Variants in ZNF385B observed in about 807,000 individuals in gnomAD.
The protein encoded by ZNF385B is zinc finger protein 385B, also known as zinc finger protein 533.
In ZNF385B, 23 loss-of-function variants were observed where a neutral mutation model predicts 39.2. That is an observed-to-expected ratio of 0.59 (90% CI 0.42 to 0.83). The LOEUF is 0.83. Among genes scored for constraint, ZNF385B ranks in the 40% least tolerant of loss-of-function variants. ZNF385B has a pLI of 0.00. For synonymous variants in ZNF385B, 205 were observed against 222.6 expected (o/e 0.92, Z 0.70); for missense variants, 552 against 598.9 (o/e 0.92, Z 0.82).
At chr2:179,496,100 T>C (rs2056173423) in intron 5 of ZNF385B, among the ~76,000 whole-genome samples, 1 of 152,064 alleles carries the variant, frequency 6.6e-6, no homozygotes, top group African/African-American at 2.4e-5. Context: ...GAGAAGGAAT[T>C]CAGAATTATA....
At chr2:179,688,519 A>AC (rs1553508705) in intron 3 of ZNF385B, among the ~76,000 whole-genome samples, 3 of 150,652 alleles carry the variant, frequency 2.0e-5, no homozygotes, top group Admixed American at 6.6e-5. Flanking sequence ...AACAACAACA[A>AC]AAACAGAAAG....
chr2:179,663,946 G>A (rs1694826067), intron 3 of ZNF385B, among the ~76,000 whole-genome samples: 1 of 151,976 alleles, frequency 6.6e-6, no homozygotes, highest in South Asian at 2.1e-4. Flanking sequence ...CTTCCTCCTT[G>A]TAAAATCCAG....
chr2:179,716,902 T>G (rs1478434676), intron 3 of ZNF385B, among the ~76,000 whole-genome samples: 4 of 152,228 alleles, frequency 2.6e-5, no homozygotes, highest in Non-Finnish European at 4.4e-5. Context: ...CCAGCTTGTT[T>G]CCAGCTGTTC....
intron 1 of ZNF385B, among the ~76,000 whole-genome samples, chr2:179,821,764 T>A (rs1559225628): frequency 6.6e-6 from 1 of 152,066 alleles, no homozygotes; most frequent in Non-Finnish European, 1.5e-5. Flanking sequence ...AGAATATGAT[T>A]AATGATATAT....
intron 6 of ZNF385B, among the ~76,000 whole-genome samples, chr2:179,471,196 T>C (rs778823874): frequency 9.2e-5 from 14 of 152,136 alleles, no homozygotes; most frequent in Non-Finnish European, 2.1e-4. Context: ...AGATATGACG[T>C]TGCATTGCAA....
chr2:179,797,248 AT>A (rs1705725422), intron 1 of ZNF385B, among the ~76,000 whole-genome samples: 1 of 152,192 alleles, frequency 6.6e-6, no homozygotes, highest in East Asian at 1.9e-4. Flanking sequence ...ATTTTGACAA[AT>A]TAACATCTTG....
chr2:179,846,666 A>G (rs1708815732), intron 1 of ZNF385B, among the ~76,000 whole-genome samples: 1 of 152,228 alleles, frequency 6.6e-6, no homozygotes, highest in African/African-American at 2.4e-5. Context: ...TTTAGTGGAG[A>G]CAACAGTATC....
intron 3 of ZNF385B, among the ~76,000 whole-genome samples, chr2:179,560,522 A>C (rs1357965761): frequency 6.6e-6 from 1 of 152,210 alleles, no homozygotes; most frequent in Non-Finnish European, 1.5e-5. Context: ...ACAACTTTCC[A>C]AACTCTGATT....
rs569543973 is a variant in ZNF385B, at chr2:179,549,204, T to C, written c.299-4235A>G. 3.1e-4 allele frequency among the ~76,000 whole-genome samples: 47 copies of C among 149,698 alleles called. 3 individuals carry two copies. In the South Asian group the frequency reaches 9.6e-3, roughly 31 times the overall value. The stretch of plus-strand genomic sequence containing the variant: ...GTATGGATTTCCCAAATTTTGCTTA[T>C]CCATTCATCAATTGATAGGCATTTG... On this transcript the variant is annotated intron_variant, in intron 3 of 9. Coordinates refer to ENST00000410066, the MANE Select transcript of ZNF385B (RefSeq NM_152520.6).
chr2:179,525,865 A>G (rs1170489418), intron 4 of ZNF385B, among the ~76,000 whole-genome samples: 1 of 152,124 alleles, frequency 6.6e-6, no homozygotes, highest in African/African-American at 2.4e-5. Flanking sequence ...TGTCTTTCAT[A>G]TTTAAAGACT....
In ZNF385B at chr2:179,549,516, C is replaced by T. The variant is rs1394730080; in HGVS notation, c.299-4547G>A. 2.7e-5 allele frequency among the ~76,000 whole-genome samples: 4 copies of T among 149,360 alleles called. 1 individual carries two copies. Among genetic ancestry groups the T allele is most frequent in the Non-Finnish European group, 5.9e-5 (4 of 67,616 alleles). On this transcript the variant is annotated intron_variant, in intron 3 of 9. Coordinates refer to ENST00000410066, the MANE Select transcript of ZNF385B (RefSeq NM_152520.6). Reference sequence around the variant, plus strand: ...CACAATAATTATATACCTAACATCCCCTATTGACTTCAAGGAGAAATGAAC... The same window carrying T: ...CACAATAATTATATACCTAACATCCTCTATTGACTTCAAGGAGAAATGAAC...
chr2:179,835,238 A>C (rs1708184467), intron 1 of ZNF385B, among the ~76,000 whole-genome samples: 1 of 152,250 alleles, frequency 6.6e-6, no homozygotes, highest in Admixed American at 6.5e-5. Context: ...CCAAATGTGT[A>C]TACAGAAAGA....
At chr2:179,561,145 T>TAC (rs1312648180) in intron 3 of ZNF385B, among the ~76,000 whole-genome samples, 1 of 152,214 alleles carries the variant, frequency 6.6e-6, no homozygotes, top group African/African-American at 2.4e-5. Flanking sequence ...ACATATATTT[T>TAC]ACACACACCA....
At chr2:179,493,027 C>T (rs372783218) in intron 5 of ZNF385B, among the ~76,000 whole-genome samples, 155 of 152,078 alleles carry the variant, frequency 1.0e-3, no homozygotes, top group Middle Eastern at 6.8e-3. Flanking sequence ...TTTGATTCAC[C>T]GATAAAATCT....
At chr2:179,662,028 A>T (rs1316398443) in intron 3 of ZNF385B, among the ~76,000 whole-genome samples, 1 of 152,204 alleles carries the variant, frequency 6.6e-6, no homozygotes, top group East Asian at 1.9e-4. Flanking sequence ...AATAAAAGTC[A>T]TTAAATACTA....
chr2:179,480,359 C>T (rs1304411219), intron 6 of ZNF385B, among the ~76,000 whole-genome samples: 1 of 152,156 alleles, frequency 6.6e-6, no homozygotes, highest in Non-Finnish European at 1.5e-5. Context: ...CATTCCTCTT[C>T]CCACCTTCTT....
At chr2:179,505,337 G>A (rs929264141) in intron 5 of ZNF385B, among the ~76,000 whole-genome samples, 3 of 151,754 alleles carry the variant, frequency 2.0e-5, no homozygotes, top group Admixed American at 6.6e-5. Flanking sequence ...AGTATTTTTA[G>A]TTTAGCAGTG....
At chr2:179,715,885 T>C (rs1700299700) in intron 3 of ZNF385B, among the ~76,000 whole-genome samples, 1 of 152,186 alleles carries the variant, frequency 6.6e-6, no homozygotes, top group South Asian at 2.1e-4. Context: ...TAAATTTTGC[T>C]TTTATTCTTC....
intron 3 of ZNF385B, among the ~76,000 whole-genome samples, chr2:179,638,447 T>C (rs1348189925): frequency 6.6e-6 from 1 of 152,168 alleles, no homozygotes; most frequent in South Asian, 2.1e-4. Context: ...TCTGAAACTA[T>C]TTCGTGTGTG....
Sources: allele counts gnomAD v4.1 joint callset (sites outside exome capture counted in the v4.1 genomes callset), GRCh38; gene constraint gnomAD v4.1.1; transcripts MANE v1.5; gene names NCBI Gene and HGNC (gene_info 2026-07-23, HGNC 2026-07-21).